The following PDGFC variants were observed in gnomAD, a reference collection of about 807,000 sequenced individuals.
PDGFC encodes the protein platelet-derived growth factor C.
A neutral mutation model predicts 35.5 loss-of-function variants in PDGFC; 12 were observed. The observed-to-expected ratio is 0.34, with a 90% CI of 0.22 to 0.55. The LOEUF is 0.55. PDGFC is among the 20% of genes least tolerant of loss of function. PDGFC has a pLI of 0.91. For synonymous variants in PDGFC, 159 were observed against 148.8 expected, an observed-to-expected ratio of 1.07 and a Z score of -0.50; for missense variants, 322 against 412.4, an observed-to-expected ratio of 0.78 and a Z score of 1.90.
At chr4:156,923,210 C>G (rs1731328770) in intron 1 of PDGFC, among the ~76,000 whole-genome samples, 1 of 152,126 alleles carries the variant, frequency 6.6e-6, no homozygotes, top group African/African-American at 2.4e-5. Flanking sequence ...TACAGCCACC[C>G]AGGCCTTCTT....
chr4:156,818,157 A>C (rs1345525275), intron 2 of PDGFC, among the ~76,000 whole-genome samples: 1 of 149,966 alleles, frequency 6.7e-6, no homozygotes, highest in Non-Finnish European at 1.5e-5. Flanking sequence ...TCTTAAATAG[A>C]ATAAAATGCA....
At chr4:156,858,243 A>G (rs577957748) in intron 1 of PDGFC, among the ~76,000 whole-genome samples, 1 of 152,226 alleles carries the variant, frequency 6.6e-6, no homozygotes, top group East Asian at 1.9e-4. Flanking sequence ...TGATTTGACA[A>G]CATGGCATTT....
At chr4:156,855,406 G>C (rs1010858443) in intron 1 of PDGFC, among the ~76,000 whole-genome samples, 2 of 152,130 alleles carry the variant, frequency 1.3e-5, no homozygotes, top group East Asian at 3.8e-4. Flanking sequence ...GAAAAGAAAT[G>C]GTAGATTAAA....
chr4:156,864,555 A>T (rs1228088999), intron 1 of PDGFC, among the ~76,000 whole-genome samples: 1 of 152,158 alleles, frequency 6.6e-6, no homozygotes, highest in African/African-American at 2.4e-5. Context: ...TCTCTTCACA[A>T]TTCCCCTCCT....
intron 1 of PDGFC, among the ~76,000 whole-genome samples, chr4:156,969,323 T>A (rs1459263180): frequency 1.3e-5 from 2 of 152,220 alleles, no homozygotes; most frequent in African/African-American, 2.4e-5. Flanking sequence ...CCCAGACCTC[T>A]GCAGCTACTG....
intron 1 of PDGFC, among the ~76,000 whole-genome samples, chr4:156,970,149 G>A (rs1201496812): frequency 6.6e-6 from 1 of 152,096 alleles, no homozygotes; most frequent in African/African-American, 2.4e-5. Flanking sequence ...GTCGTTTCCA[G>A]CACACACAAA....
At chr4:156,933,179 T>C (rs1202530457) in intron 1 of PDGFC, among the ~76,000 whole-genome samples, 1 of 152,208 alleles carries the variant, frequency 6.6e-6, no homozygotes, top group Non-Finnish European at 1.5e-5. Context: ...CCACAGTAGA[T>C]ATCACTAGCT....
At chr4:156,839,414 C>T (rs542156372) in intron 2 of PDGFC, among the ~76,000 whole-genome samples, 11 of 152,294 alleles carry the variant, frequency 7.2e-5, no homozygotes, top group South Asian at 6.2e-4. Flanking sequence ...GATGTGTTTG[C>T]TTCCCCTTCC....
At chr4:156,908,228 A>G (rs1475171658) in intron 1 of PDGFC, among the ~76,000 whole-genome samples, 1 of 152,164 alleles carries the variant, frequency 6.6e-6, no homozygotes, top group Non-Finnish European at 1.5e-5. Context: ...CTTAGCTTTA[A>G]GGCAATAATA....
At chr4:156,847,295 G>A (rs1560838800) in intron 2 of PDGFC, among the ~76,000 whole-genome samples, 1 of 151,694 alleles carries the variant, frequency 6.6e-6, no homozygotes, top group Non-Finnish European at 1.5e-5. Context: ...AATAAGTAAG[G>A]CTGGTTGTAT....
intron 1 of PDGFC, among the ~76,000 whole-genome samples, chr4:156,877,562 C>T (rs1324646283): frequency 6.6e-6 from 1 of 152,032 alleles, no homozygotes; most frequent in Non-Finnish European, 1.5e-5. Context: ...AAATCAAGTA[C>T]CAGTAGAGAA....
intron 1 of PDGFC, among the ~76,000 whole-genome samples, chr4:156,949,846 G>C (rs559098489): frequency 5.3e-5 from 8 of 151,792 alleles, no homozygotes; most frequent in Non-Finnish European, 1.0e-4. Flanking sequence ...GATGATATAG[G>C]GTCAGTCCTG....
intron 1 of PDGFC, among the ~76,000 whole-genome samples, chr4:156,862,515 G>A (rs888900719): frequency 6.6e-6 from 1 of 152,012 alleles, no homozygotes; most frequent in Non-Finnish European, 1.5e-5. Flanking sequence ...TCTTATCAAA[G>A]GCAAAGTCAA....
At chr4:156,896,933 T>C (rs992705722) in intron 1 of PDGFC, among the ~76,000 whole-genome samples, 2 of 152,206 alleles carry the variant, frequency 1.3e-5, no homozygotes, top group African/African-American at 2.4e-5. Flanking sequence ...AAAAAGAGAC[T>C]AACAATGTGT....
intron 3 of PDGFC, among the ~76,000 whole-genome samples, chr4:156,793,663 CA>C (rs1324319027): frequency 6.6e-6 from 1 of 150,532 alleles, no homozygotes; most frequent in African/African-American, 2.4e-5. Flanking sequence ...AAATACCAAT[CA>C]GGGGGGCAGT....
At chr4:156,792,015 C>T (rs1731312080) in intron 3 of PDGFC, among the ~76,000 whole-genome samples, 1 of 152,092 alleles carries the variant, frequency 6.6e-6, no homozygotes, top group Non-Finnish European at 1.5e-5. Flanking sequence ...TCAAAGAGAT[C>T]AACAGGGATA....
rs547955354 is a variant in PDGFC, at chr4:156,774,845, TA to T, written c.496-1953del. ...ATCTTTTTGTTTTTTAAATAAGTTT[TA>T]TTTTGTATATCTGAGGTTTATGACA... On this transcript the variant is annotated intron_variant, in intron 3 of 5. Transcript: ENST00000502773. Among the ~76,000 whole-genome samples the T allele has an allele frequency of 1.5e-4, 23 of 152,202 alleles. No homozygotes were observed. The South Asian group carries it at 4.6e-3, about 30-fold the overall frequency.
chr4:156,826,772 C>G (rs28486082), intron 2 of PDGFC, among the ~76,000 whole-genome samples: 9,030 of 152,068 alleles, frequency 0.059, 883 homozygotes, highest in African/African-American at 0.21. Flanking sequence ...ATGACTTCAA[C>G]CCTGATTTTA....
At chr4:156,860,799 G>A (rs939950691) in intron 1 of PDGFC, among the ~76,000 whole-genome samples, 1 of 151,974 alleles carries the variant, frequency 6.6e-6, no homozygotes, top group African/African-American at 2.4e-5. Flanking sequence ...AACCCTCAAA[G>A]CATTTTTTAT....
Sources: allele counts gnomAD v4.1 joint callset (sites outside exome capture counted in the v4.1 genomes callset), GRCh38; gene constraint gnomAD v4.1.1; transcripts MANE v1.5; gene names NCBI Gene and HGNC (gene_info 2026-07-23, HGNC 2026-07-21).